The following WNK4 variants were observed in gnomAD, a reference collection of about 807,000 sequenced individuals.
WNK4 encodes the protein WNK lysine deficient protein kinase 4.
A neutral mutation model predicts 116.2 loss-of-function variants in WNK4; 94 were observed. The observed-to-expected ratio is 0.81, with a 90% confidence interval of 0.68 to 0.96. WNK4 has a LOEUF of 0.96. Among genes scored for constraint, WNK4 ranks in the 40% least tolerant of loss-of-function variants. The pLI is 0.00. For missense variants in WNK4, 1,542 were observed against 1,650.6 expected (o/e 0.93, Z 1.14); for synonymous variants, 655 against 672.7 (o/e 0.97, Z 0.41).
chr17:42,795,189 T>C lies in WNK4; in HGVS notation c.2768T>C (p.Leu923Pro). 1 of 1,613,838 alleles carries C rather than the reference T, an allele frequency of 6.2e-7. No homozygotes were observed. The highest frequency in any genetic ancestry group is 8.5e-7 in the Non-Finnish European group (1 of 1,179,932). Residue 923 changes from leucine (L) to proline (P), a missense_variant, in exon 14 of 19, where the codon CTC becomes CCC. By Grantham distance (98) the Leu-to-Pro change is moderately conservative. Transcript: ENST00000246914. ...SSFPSTTAAPLLSLASAFSLA... is the reference protein window; with the variant it reads ...SSFPSTTAAPPLSLASAFSLA... ...TTCCCCTCCACCACAGCAGCCCCTC[T>C]CCTTTCTCTGGCTAGTGCCTTCTCA... is the stretch of plus-strand genomic sequence containing the variant.
Position 42,785,398 on chromosome 17 carries a change from C to T in WNK4, c.1392C>T (p.Arg464=), listed in dbSNP as rs1568028278. The T allele has an allele frequency of 1.1e-5, 17 of 1,581,892 alleles. No homozygotes were observed. Among genetic ancestry groups the T allele is most frequent in the Non-Finnish European group, 1.4e-5 (16 of 1,163,836 alleles). Residue 464 remains arginine (R), a synonymous_variant, in exon 6 of 19, where the codon CGC becomes CGT. Coordinates refer to ENST00000246914, the MANE Select transcript of WNK4 (RefSeq NM_032387.5). ...KLWLRMEDAR[R]GGRPRDNQAI... ...GGCTGCGCATGGAGGACGCGCGGCG[C>T]GGGGGGCGCCCACGGGACAACCAGG...
chr17:42,788,821 A>G (rs773612656), intron 11 of WNK4, 24 bp downstream of exon 11: 1 of 1,584,346 alleles, frequency 6.3e-7, no homozygotes, highest in Non-Finnish European at 8.7e-7. Flanking sequence ...AGATGAGGAC[A>G]GAGTGTTTGG....
chr17:42,796,205 C>T lies in WNK4; in HGVS notation c.3514C>T (p.Pro1172Ser). ...DLYSRLGKQP[P>S]PGIVAPAAML... Reference sequence around the variant, plus strand: ...GTACAGCCGGCTGGGGAAGCAGCCCCCACCGGGTATTGTGGCCCCAGCTGC... The same window carrying T: ...GTACAGCCGGCTGGGGAAGCAGCCCTCACCGGGTATTGTGGCCCCAGCTGC... The change falls in exon 17 of 19, where the codon CCA (proline) becomes TCA (serine). Residue 1172 changes from proline (P) to serine (S), a missense_variant. Pro to Ser is a moderately conservative substitution (Grantham distance 74, BLOSUM62 -1). Transcript: ENST00000246914. 6.2e-7 allele frequency: 1 copy of T among 1,613,968 alleles called. No homozygotes were observed. The highest frequency in any genetic ancestry group is 8.5e-7 in the Non-Finnish European group (1 of 1,179,982).
At position 42,780,797 on chromosome 17, in the gene WNK4, G is replaced by A. The variant is rs773763949; in HGVS notation, c.99G>A (p.Gln33=). 8.1e-6 allele frequency: 13 copies of A among 1,602,916 alleles called. No homozygotes were observed. The East Asian group carries it at 2.2e-4, about 28-fold the overall frequency. Residue 33 remains glutamine (Q), a synonymous_variant, in exon 1 of 19, where the codon CAG becomes CAA. Transcript: ENST00000246914. The part of the protein sequence containing the change: ...RPPPPLGTAG[Q]PRLGPPPRRA... ...CGCCTCCTCTTGGCACCGCGGGGCA[G>A]CCCCGCCTCGGGCCCCCTCCTCGCC...
rs370770635 is a variant in WNK4, at chr17:42,785,411, C to A, written c.1405C>A (p.Arg469=). Residue 469 remains arginine, a synonymous_variant, in exon 6 of 19, where the codon CGG becomes AGG. Transcript: ENST00000246914. ...GGACGCGCGGCGCGGGGGGCGCCCA[C>A]GGGACAACCAGGCCATCGAGTTCCT... The part of the protein sequence containing the change: ...MEDARRGGRP[R]DNQAIEFLFQ... 1.3e-6 allele frequency: 2 copies of A among 1,570,416 alleles called. No homozygotes were observed. Among genetic ancestry groups the A allele is most frequent in the South Asian group, 2.3e-5 (2 of 85,908 alleles).
intron 2 of WNK4, chr17:42,783,523 G>A (rs2054507018): frequency 3.3e-6 from 1 of 301,650 alleles, no homozygotes; most frequent in South Asian, 3.4e-5. Context: ...CTTGTCACTG[G>A]CTTTTTCTGT....
Position 42,796,027 on chromosome 17 carries a change from G to A in WNK4, c.3425G>A (p.Arg1142Gln), listed in dbSNP as rs369907969. 2.9e-5 allele frequency: 46 copies of A among 1,613,802 alleles called. No individual in the cohort carries two copies. Among genetic ancestry groups the A allele is most frequent in the South Asian group, 3.3e-5 (3 of 91,076 alleles). Residue 1142 changes from arginine to glutamine, a missense_variant, in exon 16 of 19, where the codon CGG becomes CAG. Physicochemically the swap from Arg to Gln is conservative, Grantham distance 43. Coordinates refer to ENST00000246914, the MANE Select transcript of WNK4 (RefSeq NM_032387.5). ...TTCTGGGCTGAGCTGCAGAGTCTTC[G>A]GCAGAAGTGAGTCTCGGGAGGATGG... Reference protein sequence around the residue: ...EEFWAELQSLRQKHLSEVETL... With the variant: ...EEFWAELQSLQQKHLSEVETL...
At chr17:42,790,794 G>A (rs2054599766) in intron 11 of WNK4, among the ~76,000 whole-genome samples, 2 of 152,078 alleles carry the variant, frequency 1.3e-5, no homozygotes, top group South Asian at 4.1e-4. Flanking sequence ...TGGAGTGGGG[G>A]TGGTGGATGC....
chr17:42,795,472 T>A lies in WNK4; in HGVS notation c.2973T>A (p.Pro991=). ...TAEVESEASP[P]PARPLPGEAR... ...CCCCCACTTTCTAGGCCTCACCACC[T>A]CCTGCTCGGCCCCTCCCAGGGGAAG... is the stretch of plus-strand genomic sequence containing the variant. Residue 991 remains proline (P), a synonymous_variant, in exon 15 of 19, where the codon CCT becomes CCA. Transcript: ENST00000246914. The A allele has an allele frequency of 1.9e-6, 3 of 1,614,152 alleles. No homozygotes were observed. Among genetic ancestry groups the A allele is most frequent in the Non-Finnish European group, 2.5e-6 (3 of 1,180,020 alleles).
Position 42,788,423 on chromosome 17 carries a change from AG to A in WNK4, c.2040+18del. ...GGTCACTAGTGTAAGGATGGAGTAC[AG>A]GAGATAGAGAGTAACCTACAGGGCC... On this transcript the variant is annotated intron_variant, in intron 10 of 18. Transcript: ENST00000246914. The A allele has an allele frequency of 1.2e-6, 2 of 1,609,922 alleles. No homozygotes were observed. Among genetic ancestry groups the A allele is most frequent in the South Asian group, 1.1e-5 (1 of 90,932 alleles).
Position 42,787,472 on chromosome 17 carries a change from G to A in WNK4, c.1671G>A (p.Glu557=). The change falls in exon 7 of 19, where the codon GAG becomes GAA. Residue 557 remains glutamate, a synonymous_variant. Transcript: ENST00000246914. ...APGPPSVFPP[E]PEEPEADQHQ... ...GTCCCCCCAGTGTCTTCCCCCCTGA[G>A]CCTGAGGAGCCAGAGGCAGACCAGC... 1.9e-6 allele frequency: 3 copies of A among 1,609,106 alleles called. No individual in the cohort carries two copies. Among genetic ancestry groups the A allele is most frequent in the Non-Finnish European group, 2.5e-6 (3 of 1,179,140 alleles).
intron 17 of WNK4, 51 bp from the exon 18 acceptor site, chr17:42,796,430 C>T (rs1383658724): frequency 1.2e-6 from 2 of 1,613,886 alleles, no homozygotes; most frequent in African/African-American, 1.3e-5. Context: ...CCCCCTCTCC[C>T]CACCTCCCCT....
At position 42,785,461 on chromosome 17, in the gene WNK4, C is replaced by T. The variant is rs759466376; in HGVS notation, c.1455C>T (p.Ala485=). 5 of 1,553,142 alleles carry T rather than the reference C, an allele frequency of 3.2e-6. No individual in the cohort carries two copies. Among genetic ancestry groups the T allele is most frequent in the Non-Finnish European group, 3.5e-6 (4 of 1,147,788 alleles). The change falls in exon 6 of 19, where the codon GCC becomes GCT. Residue 485 remains alanine (A), a synonymous_variant. Transcript: ENST00000246914. ...EFLFQLGRDA[A]EEVAQEMVAL... The stretch of plus-strand genomic sequence containing the variant: ...TGTTCCAGCTGGGCCGGGACGCGGC[C>T]GAGGAGGTGGCACAGGAGATGGTGA...
Position 42,784,337 on chromosome 17 carries a change from G to A in WNK4, c.1013-85G>A, listed in dbSNP as rs1327879693. On this transcript the variant is annotated intron_variant, in intron 3 of 18. Coordinates refer to ENST00000246914, the MANE Select transcript of WNK4 (RefSeq NM_032387.5). This position sits in a 1 kb window ranked among gnomAD's most constrained non-coding sequence, Gnocchi z 4.4. ...CTGTGGGCCGGGGTCACTTGCACTC[G>A]CAGGGTTGCCTGGGGCTGCCTAGCC... 4.1e-5 allele frequency: 64 copies of A among 1,574,232 alleles called. No homozygotes were observed. The highest frequency in any genetic ancestry group is 1.8e-5 in the Admixed American group (1 of 54,076).
chr17:42,785,599 C>A, intron 6 of WNK4, 117 bp downstream of exon 6: 1 of 1,258,722 alleles, frequency 7.9e-7, no homozygotes, highest in Non-Finnish European at 1.1e-6. Context: ...GGGCACCTCA[C>A]CCCTCTCAAA....
intron 12 of WNK4, chr17:42,794,306 C>T (rs1423605288): frequency 6.6e-6 from 3 of 451,826 alleles, no homozygotes; most frequent in East Asian, 4.0e-5. Context: ...TATAAAGAAC[C>T]ACTGGATACC....
chr17:42,793,531 A>G, intron 11 of WNK4, 61 bp from the exon 12 acceptor site: 1 of 1,607,576 alleles, frequency 6.2e-7, no homozygotes, highest in Non-Finnish European at 8.5e-7. Context: ...GATCAGAAGC[A>G]GGGGGAGAGG....
Position 42,784,926 on chromosome 17 carries a change from TGG to T in WNK4, c.1171-162_1171-161del, listed in dbSNP as rs35483050. ...TGTTCAAGATCACACTGTAAATACT[TGG>T]GGGGGGGGCGGGGATTAGGATTTGA... On this transcript the variant is annotated intron_variant, in intron 4 of 18. Coordinates refer to ENST00000246914, the MANE Select transcript of WNK4 (RefSeq NM_032387.5). The surrounding 1 kb of genome is among the most constrained non-coding windows in gnomAD (Gnocchi z 4.4). Among the ~76,000 whole-genome samples the T allele has an allele frequency of 3.5e-5, 4 of 113,188 alleles. No individual in the cohort carries two copies. The highest frequency in any genetic ancestry group is 2.3e-4 in the East Asian group (1 of 4,302). 74.3% of individuals were successfully genotyped at this position (113,188 alleles called of 152,430 possible).
chr17:42,785,289 C>T lies in WNK4; in HGVS notation c.1283C>T (p.Ala428Val). 2 of 1,611,334 alleles carry T rather than the reference C, an allele frequency of 1.2e-6. No homozygotes were observed. The highest frequency in any genetic ancestry group is 1.7e-6 in the Non-Finnish European group (2 of 1,178,884). Residue 428 changes from alanine (A) to valine (V), a missense_variant, in exon 6 of 19, where the codon GCC becomes GTC. Coordinates refer to ENST00000246914, the MANE Select transcript of WNK4 (RefSeq NM_032387.5). The stretch of plus-strand genomic sequence containing the variant: ...AGGTTCACCATCCAGGACCTCCTGG[C>T]CCACGCCTTCTTCCGCGAGGAGCGC... ...NERFTIQDLL[A>V]HAFFREERGV...
Sources: allele counts gnomAD v4.1 joint callset (sites outside exome capture counted in the v4.1 genomes callset), GRCh38; gene constraint gnomAD v4.1.1; non-coding constraint Gnocchi (gnomAD v3.1); transcripts MANE v1.5; gene names NCBI Gene and HGNC (gene_info 2026-07-23, HGNC 2026-07-21).